The following SEMA4D variants were observed in gnomAD, a reference collection of about 807,000 sequenced individuals.
SEMA4D encodes semaphorin 4D.
In SEMA4D, 22 loss-of-function variants were observed where a neutral mutation model predicts 74.8. The observed-to-expected ratio is 0.29, with a 90% CI of 0.21 to 0.42. The LOEUF (loss-of-function observed/expected upper bound fraction) is 0.42, where lower values mean the gene tolerates loss of function less well. SEMA4D is among the 10% of genes least tolerant of loss of function. SEMA4D has a pLI of 1.00. For synonymous variants in SEMA4D, 445 were observed against 463.7 expected (o/e 0.96, Z 0.52); for missense variants, 937 against 1,118.4 (o/e 0.84, Z 2.31).
At chr9:89,413,879 T>G (rs1297898978) in intron 2 of SEMA4D, among the ~76,000 whole-genome samples, 5 of 152,376 alleles carry the variant, frequency 3.3e-5, no homozygotes, top group Admixed American at 3.3e-4. Context: ...TACGCAGACA[T>G]GTATGTGCGC....
chr9:89,384,189 C>T (rs76666297), intron 13 of SEMA4D, among the ~76,000 whole-genome samples: 359 of 152,288 alleles, frequency 2.4e-3, no homozygotes, highest in Middle Eastern at 0.01. Flanking sequence ...ATCTGCACAC[C>T]CACGTTCACA....
At chr9:89,385,274 G>A (rs772153318) in intron 13 of SEMA4D, 49 of 985,230 alleles carry the variant, frequency 5.0e-5, no homozygotes, top group Admixed American at 6.2e-5. Flanking sequence ...TCATTCTCAC[G>A]AATGTCCACA....
At chr9:89,448,612 C>CTTTT (rs1853561128) in intron 2 of SEMA4D, among the ~76,000 whole-genome samples, 1 of 152,224 alleles carries the variant, frequency 6.6e-6, no homozygotes, top group Non-Finnish European at 1.5e-5. Flanking sequence ...GCAGAGAAGG[C>CTTTT]GTAAAACCAC....
At chr9:89,491,875 C>A (rs1052119683) in intron 1 of SEMA4D, among the ~76,000 whole-genome samples, 7 of 152,070 alleles carry the variant, frequency 4.6e-5, no homozygotes, top group Non-Finnish European at 7.4e-5. Context: ...GGCCCCGGGG[C>A]CAAGAGGAGG....
chr9:89,490,682 C>T (rs1374221716), intron 1 of SEMA4D, among the ~76,000 whole-genome samples: 2 of 152,198 alleles, frequency 1.3e-5, no homozygotes, highest in Non-Finnish European at 2.9e-5. Context: ...ATATCTTCAA[C>T]TTAATGATGG....
chr9:89,485,788 CAAAAAAAAAAA>C (rs56056536), intron 1 of SEMA4D, among the ~76,000 whole-genome samples: 2 of 76,840 alleles, frequency 2.6e-5, no homozygotes, highest in African/African-American at 9.8e-5. Context: ...AACTCCATCT[CAAAAAAAAAAA>C]AAAAAAAAAA....
rs1031860588 is a variant in SEMA4D, at chr9:89,484,365, G to T, written c.-310+13554C>A. Among the ~76,000 whole-genome samples, 19 of 152,230 alleles carry T rather than the reference G, an allele frequency of 1.2e-4. No homozygotes were observed. Among genetic ancestry groups the T allele is most frequent in the Admixed American group, 1.3e-4 (2 of 15,284 alleles). On this transcript the variant is annotated intron_variant, in intron 1 of 15. Transcript: ENST00000422704. This position sits in a 1 kb window ranked among gnomAD's most constrained non-coding sequence, Gnocchi z 4.1. Reference sequence around the variant, plus strand: ...GTATGTGTGTGCTGTGTGTGCTGCGGCACGTGCAGCATATGACTGTGTGGT... The same window carrying T: ...GTATGTGTGTGCTGTGTGTGCTGCGTCACGTGCAGCATATGACTGTGTGGT...
intron 2 of SEMA4D, chr9:89,449,483 C>T (rs1853808000): frequency 1.4e-6 from 1 of 728,212 alleles, no homozygotes; most frequent in Non-Finnish European, 2.6e-6. Flanking sequence ...GGAGCTCTGA[C>T]CACAGCCTGT....
At chr9:89,403,797 C>T (rs1350614934) in intron 3 of SEMA4D, among the ~76,000 whole-genome samples, 1 of 152,090 alleles carries the variant, frequency 6.6e-6, no homozygotes, top group African/African-American at 2.4e-5. Flanking sequence ...GGTGTGGTGG[C>T]GGGCGCCTGT....
intron 2 of SEMA4D, among the ~76,000 whole-genome samples, chr9:89,430,430 C>T (rs568904124): frequency 6.6e-6 from 1 of 152,292 alleles, no homozygotes; most frequent in South Asian, 2.1e-4. Context: ...TGTCCAGACG[C>T]AAAACCCACC....
intron 2 of SEMA4D, among the ~76,000 whole-genome samples, chr9:89,447,508 C>T (rs749038948): frequency 8.8e-4 from 134 of 152,258 alleles, no homozygotes; most frequent in Admixed American, 3.2e-3. Context: ...CCCCGACCCC[C>T]ACCATGACCC....
rs1406477600 is a variant in SEMA4D at position 89,399,870 on chromosome 9, C to T, written c.253-532G>A. Among the ~76,000 whole-genome samples, 6 of 151,836 alleles carry T rather than the reference C, an allele frequency of 4.0e-5. No individual in the cohort carries two copies. The South Asian group carries it at 6.3e-4, about 16-fold the overall frequency. ...AAAATTATCTGGGAGTGGTGGCGGG[C>T]GCCTGTAATCCCAGCTACTCGAGAG... is the stretch of plus-strand genomic sequence containing the variant. On this transcript the variant is annotated intron_variant, in intron 4 of 15. Coordinates refer to ENST00000422704, the MANE Select transcript of SEMA4D (RefSeq NM_001371194.2).
intron 2 of SEMA4D, among the ~76,000 whole-genome samples, chr9:89,428,195 G>A (rs138962084): frequency 1.3e-5 from 2 of 152,232 alleles, no homozygotes; most frequent in African/African-American, 2.4e-5. Context: ...CAATTCCCTG[G>A]GCAGGCTCTT....
intron 1 of SEMA4D, among the ~76,000 whole-genome samples, chr9:89,467,064 G>A (rs547538976): frequency 3.4e-4 from 52 of 152,292 alleles, no homozygotes; most frequent in African/African-American, 1.2e-3. Context: ...TGAAGTTAAC[G>A]GGGGTTGTCC....
chr9:89,386,521 G>T, intron 12 of SEMA4D, 39 bp from the exon 13 acceptor site: 2 of 1,422,558 alleles, frequency 1.4e-6, no homozygotes, highest in Middle Eastern at 1.8e-4. Flanking sequence ...CACTAACCCA[G>T]ACACAGAAAC....
chr9:89,459,970 T>A (rs944097404), intron 1 of SEMA4D, among the ~76,000 whole-genome samples: 12 of 152,184 alleles, frequency 7.9e-5, no homozygotes, highest in African/African-American at 2.9e-4. Flanking sequence ...GCCCTCTGCG[T>A]TCCAGAAACA....
chr9:89,362,311 G>A, exon 19 of SEMA4D: 1 of 1,609,786 alleles, frequency 6.2e-7, no homozygotes, highest in South Asian at 1.1e-5. Flanking sequence ...CACAGTTGTG[G>A]GGGACCAGGC....
intron 1 of SEMA4D, among the ~76,000 whole-genome samples, chr9:89,465,286 A>C (rs1192297234): frequency 6.6e-6 from 1 of 152,174 alleles, no homozygotes; most frequent in Non-Finnish European, 1.5e-5. Context: ...AGCACCATCC[A>C]TCCGGTGAGA....
intron 2 of SEMA4D, among the ~76,000 whole-genome samples, chr9:89,445,602 T>TGTG (rs1852623691): frequency 1.3e-5 from 2 of 152,116 alleles, no homozygotes; most frequent in South Asian, 4.1e-4. Context: ...ACCAATAGGA[T>TGTG]GTGCACAGGG....
Sources: allele counts gnomAD v4.1 joint callset (sites outside exome capture counted in the v4.1 genomes callset), GRCh38; gene constraint gnomAD v4.1.1; non-coding constraint Gnocchi (gnomAD v3.1); transcripts MANE v1.5; gene names NCBI Gene and HGNC (gene_info 2026-07-23, HGNC 2026-07-21).